The following SMC1B variants were observed in gnomAD, a reference collection of about 807,000 sequenced individuals.
The protein encoded by SMC1B is structural maintenance of chromosomes protein 1B.
In SMC1B, 60 loss-of-function variants were observed where a neutral mutation model predicts 157.9. The observed-to-expected ratio is 0.38, with a 90% confidence interval of 0.31 to 0.47. The LOEUF (loss-of-function observed/expected upper bound fraction) is 0.47, where lower values mean the gene tolerates loss of function less well. Among genes scored for constraint, SMC1B ranks in the 20% least tolerant of loss-of-function variants. The pLI is 0.99. For missense variants in SMC1B, 1,165 were observed against 1,426.2 expected, an observed-to-expected ratio of 0.82 and a Z score of 2.95; for synonymous variants, 445 against 483.0, an observed-to-expected ratio of 0.92 and a Z score of 1.03.
intron 23 of SMC1B, among the ~76,000 whole-genome samples, chr22:45,346,864 A>G (rs2086557370): frequency 6.6e-6 from 1 of 152,238 alleles, no homozygotes; most frequent in Admixed American, 6.5e-5. Flanking sequence ...CTCATACTCA[A>G]TTCAGCAACG....
In SMC1B at chr22:45,366,180, C is replaced by T. The variant is rs971489846; in HGVS notation, c.2421-3154G>A. On this transcript the variant is annotated intron_variant, in intron 15 of 24. Coordinates refer to ENST00000357450, the MANE Select transcript of SMC1B (RefSeq NM_148674.5). The stretch of plus-strand genomic sequence containing the variant: ...CTGGGACTACAGGCATGTGCCACCA[C>T]GCCCAGCTAATTTTTGTATTTTTAG... Among the ~76,000 whole-genome samples, 3 of 152,234 alleles carry T rather than the reference C, an allele frequency of 2.0e-5. No homozygotes were observed. In the East Asian group the frequency reaches 5.8e-4, roughly 29 times the overall value.
intron 5 of SMC1B, among the ~76,000 whole-genome samples, chr22:45,401,547 A>G (rs5765324): frequency 0.62 from 93,669 of 152,182 alleles, 31,086 homozygotes; most frequent in African/African-American, 0.87. Context: ...TTAGGGTGGG[A>G]TGGCCAGCTT....
At chr22:45,403,822 T>G (rs1397321152) in intron 4 of SMC1B, among the ~76,000 whole-genome samples, 1 of 152,168 alleles carries the variant, frequency 6.6e-6, no homozygotes. Context: ...GGAAGAAAAG[T>G]CAGAGAATAA....
rs2086646660 is a variant in SMC1B, at chr22:45,354,125, C to A, written c.3126G>T (p.Glu1042Asp). Reference protein sequence around the residue: ...DKFQESTDAFEASRKEARLCR... With the variant: ...DKFQESTDAFDASRKEARLCR... ...ACAGTCTGGCTTCCTTTCTGCTGGCCTCAAAAGCTAAGAGAGAATCAATGT... is the reference window on the plus strand; with the variant it reads ...ACAGTCTGGCTTCCTTTCTGCTGGCATCAAAAGCTAAGAGAGAATCAATGT... The change falls in exon 21 of 25, where the codon GAG becomes GAT. Residue 1042 changes from glutamate (E) to aspartate (D), a missense_variant. By Grantham distance (45) the Glu-to-Asp change is conservative. Coordinates refer to ENST00000357450, the MANE Select transcript of SMC1B (RefSeq NM_148674.5). 2 of 1,560,986 alleles carry A rather than the reference C, an allele frequency of 1.3e-6. No homozygotes were observed. Among genetic ancestry groups the A allele is most frequent in the South Asian group, 1.2e-5 (1 of 80,696 alleles).
intron 21 of SMC1B, 84 bp downstream of exon 21, chr22:45,353,892 CCA>C (rs2086639329): frequency 2.3e-6 from 1 of 430,330 alleles, no homozygotes; most frequent in Non-Finnish European, 3.6e-6. Flanking sequence ...TTATTTCCCA[CCA>C]AAAAAAAAAA....
At chr22:45,396,108 G>T (rs2087120615) in intron 7 of SMC1B, among the ~76,000 whole-genome samples, 1 of 152,152 alleles carries the variant, frequency 6.6e-6, no homozygotes, top group South Asian at 2.1e-4. Context: ...TGTTTTAAAA[G>T]TAATTCCTGC....
At chr22:45,372,356 C>T (rs998880988) in intron 12 of SMC1B, 64 bp from the exon 13 acceptor site, 5 of 1,382,452 alleles carry the variant, frequency 3.6e-6, no homozygotes, top group Non-Finnish European at 4.9e-6. Context: ...TTTCAAAGTG[C>T]TTTCATATGT....
chr22:45,411,320 T>A (rs562398767), intron 1 of SMC1B, among the ~76,000 whole-genome samples: 1 of 152,206 alleles, frequency 6.6e-6, no homozygotes, highest in Non-Finnish European at 1.5e-5. Context: ...TTATGCTAAG[T>A]GAAAGAAGTC....
chr22:45,344,517 G>A lies in SMC1B; in HGVS notation c.*39C>T. On this transcript the variant is annotated 3_prime_UTR_variant, in exon 25 of 25. Transcript: ENST00000357450. ...AGGAGCTGTGTGAGTATTAGAGTGG[G>A]AACTGAACAGTGATCAGGTGACTGC... is the stretch of plus-strand genomic sequence containing the variant. 1 of 1,422,742 alleles carries A rather than the reference G, an allele frequency of 7.0e-7. No homozygotes were observed. The highest frequency in any genetic ancestry group is 9.9e-7 in the Non-Finnish European group (1 of 1,006,222). 88.1% of individuals were successfully genotyped at this position (1,422,742 alleles called of 1,614,324 possible).
chr22:45,365,844 T>A (rs1245172398), intron 15 of SMC1B, among the ~76,000 whole-genome samples: 1 of 151,684 alleles, frequency 6.6e-6, no homozygotes, highest in African/African-American at 2.4e-5. Flanking sequence ...AAAACATAGA[T>A]CTCTATGGGA....
chr22:45,349,920 C>T (rs958549413), intron 22 of SMC1B, 123 bp from the exon 23 acceptor site: 76 of 745,906 alleles, frequency 1.0e-4, no homozygotes, highest in Non-Finnish European at 1.5e-4. Flanking sequence ...TCTAAGTAAT[C>T]GGTGACCTCT....
At position 45,349,791 on chromosome 22, in the gene SMC1B, A is replaced by T. The variant is rs757037001; in HGVS notation, c.3432T>A (p.Arg1144=). Residue 1144 remains arginine (R), a synonymous_variant, in exon 23 of 25, where the codon CGT becomes CGA. Coordinates refer to ENST00000357450, the MANE Select transcript of SMC1B (RefSeq NM_148674.5). ...CATCTAAAACAAAGAATGGGGCAGG[A>T]CGAAAACTAGAAAAAAATTACAATC... is the stretch of plus-strand genomic sequence containing the variant. ...LALLFAVHSF[R]PAPFFVLDEV... is the part of the protein sequence containing the mutation. 6.2e-7 allele frequency: 1 copy of T among 1,608,694 alleles called. No homozygotes were observed. The highest frequency in any genetic ancestry group is 8.5e-7 in the Non-Finnish European group (1 of 1,178,318).
chr22:45,399,101 G>A lies in SMC1B; in HGVS notation c.1107C>T (p.Ala369=). The change falls in exon 6 of 25, where the codon GCC becomes GCT. Residue 369 remains alanine (A), a synonymous_variant. Transcript: ENST00000357450. ...LHKKRDIELE[A]SQLDRYKELK... ...CTAAGTTGTCCTTTTTTACCTGACT[G>A]GCTTCCAGTTCAATGTCTCGCTTTT... 6.2e-7 allele frequency: 1 copy of A among 1,610,966 alleles called. No individual in the cohort carries two copies. The highest frequency in any genetic ancestry group is 8.5e-7 in the Non-Finnish European group (1 of 1,179,336).
chr22:45,362,985 A>C lies in SMC1B; in HGVS notation c.2462T>G (p.Leu821Arg). Residue 821 changes from leucine (L) to arginine (R), a missense_variant, in exon 16 of 25, where the codon CTT becomes CGT. Coordinates refer to ENST00000357450, the MANE Select transcript of SMC1B (RefSeq NM_148674.5). ...EKQKTRLNVQ[L>R]EYSRSHLKKK... is the part of the protein sequence containing the mutation. ...CTTAAGGTGACTGCGACTATACTCA[A>C]GTTGAACATTAAGCCGAGTTTTTTG... 1.9e-6 allele frequency: 3 copies of C among 1,595,662 alleles called. No homozygotes were observed. Among genetic ancestry groups the C allele is most frequent in the Non-Finnish European group, 1.7e-6 (2 of 1,174,032 alleles).
chr22:45,383,430 T>C, intron 12 of SMC1B, 37 bp downstream of exon 12: 1 of 1,477,946 alleles, frequency 6.8e-7, no homozygotes, highest in Non-Finnish European at 9.0e-7. Flanking sequence ...ACAATTATTC[T>C]ACTTAGTATA....
rs1229310124 is a variant in SMC1B at position 45,355,034 on chromosome 22, T to C, written c.3043A>G (p.Lys1015Glu). 6.2e-7 allele frequency: 1 copy of C among 1,614,228 alleles called. No homozygotes were observed. Among genetic ancestry groups the C allele is most frequent in the African/African-American group, 1.3e-5 (1 of 75,054 alleles). The change falls in exon 20 of 25, where the codon AAA (lysine) becomes GAA (glutamate). Residue 1015 changes from lysine to glutamate, a missense_variant. By Grantham distance (56) the Lys-to-Glu change is moderately conservative (BLOSUM62 1). Coordinates refer to ENST00000357450, the MANE Select transcript of SMC1B (RefSeq NM_148674.5). Reference sequence around the variant, plus strand: ...GCTCGTAGGTTTGGGGCTGCTGTTTTCAGTAAGATATCTTCCTGGGATGCT... The same window carrying C: ...GCTCGTAGGTTTGGGGCTGCTGTTTCCAGTAAGATATCTTCCTGGGATGCT... Reference protein sequence around the residue: ...QVASQEDILLKTAAPNLRALE... With the variant: ...QVASQEDILLETAAPNLRALE...
At chr22:45,347,655 T>C (rs778295921) in intron 23 of SMC1B, among the ~76,000 whole-genome samples, 1 of 152,232 alleles carries the variant, frequency 6.6e-6, no homozygotes, top group Non-Finnish European at 1.5e-5. Flanking sequence ...GGTCTCACTA[T>C]GTTGCTCAGG....
chr22:45,396,361 C>A lies in SMC1B; in HGVS notation c.1239G>T (p.Arg413Ser). 6.2e-7 allele frequency: 1 copy of A among 1,612,364 alleles called. No individual in the cohort carries two copies. Among genetic ancestry groups the A allele is most frequent in the Non-Finnish European group, 8.5e-7 (1 of 1,179,226 alleles). The change falls in exon 7 of 25, where the codon AGG becomes AGT. Residue 413 changes from arginine to serine, a missense_variant. Physicochemically the swap from Arg to Ser is moderately radical, Grantham distance 110 (BLOSUM62 -1). Transcript: ENST00000357450. ...DEERLAFEKRRHGEVQGNLKQ... is the reference protein window; with the variant it reads ...DEERLAFEKRSHGEVQGNLKQ... ...CCCAAGACACCTGAACTTCTCCATG[C>A]CTCCTCTTTTCAAATGCCAGTCTTT... is the stretch of plus-strand genomic sequence containing the variant.
intron 19 of SMC1B, among the ~76,000 whole-genome samples, chr22:45,358,131 C>T (rs777929915): frequency 8.5e-5 from 13 of 152,266 alleles, no homozygotes; most frequent in South Asian, 8.3e-4. Flanking sequence ...GTGACATGCC[C>T]GGAGAAGGTG....
Sources: allele counts gnomAD v4.1 joint callset (sites outside exome capture counted in the v4.1 genomes callset), GRCh38; gene constraint gnomAD v4.1.1; transcripts MANE v1.5; gene names NCBI Gene and HGNC (gene_info 2026-07-23, HGNC 2026-07-21).